The following PLA2G4B variants were observed in gnomAD, a reference collection of about 807,000 sequenced individuals.
PLA2G4B encodes the protein phospholipase A2 group IVB, also known as cytosolic phospholipase A2 beta.
PLA2G4B carries 122 observed loss-of-function variants against 95.8 expected under a neutral mutation model. The observed-to-expected ratio is 1.27, with a 90% CI of 1.10 to 1.48. The LOEUF (loss-of-function observed/expected upper bound fraction) is 1.48. PLA2G4B is among the 40% of genes most tolerant of loss of function. PLA2G4B has a pLI of 0.00. For synonymous variants in PLA2G4B, 518 were observed against 421.5 expected, an observed-to-expected ratio of 1.23 and a Z score of -2.80; for missense variants, 1,158 against 996.2, an observed-to-expected ratio of 1.16 and a Z score of -2.19.
At position 41,845,001 on chromosome 15, in the gene PLA2G4B, C is replaced by A; in HGVS notation, c.1170C>A (p.Ala390=). The change falls in exon 13 of 20, where the codon GCC becomes GCA. Residue 390 remains alanine, a synonymous_variant. Coordinates refer to ENST00000458483, the MANE Select transcript of PLA2G4B (RefSeq NM_001114633.2). The part of the protein sequence containing the change: ...QRYRQELAER[A]RLGYPSCFTN... Reference sequence around the variant, plus strand: ...ACCGGCAGGAGCTGGCCGAGCGTGCCCGCTTGGGCTACCCAAGCTGCTTCA... The same window carrying A: ...ACCGGCAGGAGCTGGCCGAGCGTGCACGCTTGGGCTACCCAAGCTGCTTCA... 1 of 1,607,086 alleles carries A rather than the reference C, an allele frequency of 6.2e-7. No homozygotes were observed. Among genetic ancestry groups the A allele is most frequent in the Non-Finnish European group, 8.5e-7 (1 of 1,177,106 alleles).
chr15:41,841,676 T>C lies in PLA2G4B; in HGVS notation c.490+105T>C, dbSNP rs879823210. The C allele has an allele frequency of 1.9e-6, 3 of 1,574,722 alleles. No homozygotes were observed. The Admixed American group carries it at 5.5e-5, about 29-fold the overall frequency. On this transcript the variant is annotated intron_variant, in intron 7 of 19. Transcript: ENST00000458483. The stretch of plus-strand genomic sequence containing the variant: ...GGGCCTGAGCTTTCCCCTTAGGCCT[T>C]CTCGGGGGACTGTGGTGGGGGATCC...
chr15:41,843,418 G>C (rs533515129), intron 10 of PLA2G4B, among the ~76,000 whole-genome samples: 1 of 152,308 alleles, frequency 6.6e-6, no homozygotes, highest in Admixed American at 6.5e-5. Context: ...CTGGGGGCCT[G>C]TCTGCACCTG....
intron 18 of PLA2G4B, among the ~76,000 whole-genome samples, chr15:41,847,135 A>C (rs950770844): frequency 1.3e-5 from 2 of 152,148 alleles, no homozygotes; most frequent in African/African-American, 4.8e-5. Flanking sequence ...TGCTGGGAGT[A>C]ACCCGGCTCC....
chr15:41,845,410 C>A (rs536637615), intron 14 of PLA2G4B, 90 bp downstream of exon 14: 2 of 1,509,764 alleles, frequency 1.3e-6, no homozygotes, highest in Admixed American at 1.8e-5. Flanking sequence ...GATGTCACAC[C>A]CACCTCTCCT....
At chr15:41,841,481 G>A (rs1464958937) in intron 6 of PLA2G4B, 36 bp from the exon 7 acceptor site, 1 of 1,613,852 alleles carries the variant, frequency 6.2e-7, no homozygotes, top group East Asian at 2.2e-5. Context: ...AATGGGGGGT[G>A]GGGTTAGTGT....
chr15:41,841,144 G>A, intron 5 of PLA2G4B, 49 bp downstream of exon 5: 3 of 1,613,474 alleles, frequency 1.9e-6, no homozygotes, highest in Non-Finnish European at 2.5e-6. Flanking sequence ...TTGTGGGAAG[G>A]ACAGCACTAG....
rs774309370 is a variant in PLA2G4B, at chr15:41,841,962, G to T, written c.621+13G>T. 6.2e-7 allele frequency: 1 copy of T among 1,605,984 alleles called. No homozygotes were observed. The highest frequency in any genetic ancestry group is 1.1e-5 in the South Asian group (1 of 90,580). On this transcript the variant is annotated intron_variant, in intron 8 of 19. Coordinates refer to ENST00000458483, the MANE Select transcript of PLA2G4B (RefSeq NM_001114633.2). ...TATTCGCCTGCAGGTAGTGTGCCTC[G>T]CTCCCTCGAGGTGGGGCCCCCAGAA...
chr15:41,846,016 G>C lies in PLA2G4B; in HGVS notation c.1569G>C (p.Trp523Cys). The change falls in exon 16 of 20, where the codon TGG becomes TGC. Residue 523 changes from tryptophan (W) to cysteine (C), a missense_variant. By Grantham distance (215) the Trp-to-Cys change is radical (BLOSUM62 -2). Coordinates refer to ENST00000458483, the MANE Select transcript of PLA2G4B (RefSeq NM_001114633.2). Reference sequence around the variant, plus strand: ...GGGCCTCAGAGCCCAGCCAGTTCTGGGACCGCTGGGTCAGGAACCAGGCCA... The same window carrying C: ...GGGCCTCAGAGCCCAGCCAGTTCTGCGACCGCTGGGTCAGGAACCAGGCCA... The part of the protein sequence containing the change: ...LYWASEPSQF[W>C]DRWVRNQANL... 6.5e-7 allele frequency: 1 copy of C among 1,537,360 alleles called. No homozygotes were observed. The highest frequency in any genetic ancestry group is 8.8e-7 in the Non-Finnish European group (1 of 1,142,376).
At chr15:41,842,047 G>A (rs2065441423) in intron 8 of PLA2G4B, 98 bp downstream of exon 8, 8 of 1,557,624 alleles carry the variant, frequency 5.1e-6, no homozygotes, top group South Asian at 1.2e-5. Flanking sequence ...GGCAGAGTGG[G>A]CACCCTGGCA....
At chr15:41,844,726 G>A (rs770232525) in intron 12 of PLA2G4B, 119 bp downstream of exon 12, 281 of 1,566,256 alleles carry the variant, frequency 1.8e-4, no homozygotes, top group Non-Finnish European at 2.3e-4. Flanking sequence ...AGGGAGAAAC[G>A]TGCTCAAGGG....
At chr15:41,842,345 G>A (rs1179133412) in intron 9 of PLA2G4B, 69 bp downstream of exon 9, 12 of 1,596,664 alleles carry the variant, frequency 7.5e-6, no homozygotes, top group South Asian at 3.3e-5. Context: ...AAAGGGAGGG[G>A]CCTGCTTCCC....
At position 41,848,017 on chromosome 15, in the gene PLA2G4B, T is replaced by G. The variant is rs926820328; in HGVS notation, c.*157T>G. 7 of 1,038,926 alleles carry G rather than the reference T, an allele frequency of 6.7e-6. No homozygotes were observed. Among genetic ancestry groups the G allele is most frequent in the Non-Finnish European group, 8.2e-6 (6 of 733,830 alleles). 64.4% of individuals were successfully genotyped at this position (1,038,926 alleles called of 1,614,324 possible). A position where few individuals can be genotyped will look rare whatever the true frequency, so the allele number is the denominator to read the frequency against. On this transcript the variant is annotated 3_prime_UTR_variant, in exon 20 of 20. Transcript: ENST00000458483. Reference sequence around the variant, plus strand: ...TGGGAGCTCCCTTGCGCCTCAGCAGTTTGCAGTGGGGTAAGGAGGCCAAGC... The same window carrying G: ...TGGGAGCTCCCTTGCGCCTCAGCAGGTTGCAGTGGGGTAAGGAGGCCAAGC...
At position 41,840,764 on chromosome 15, in the gene PLA2G4B, T is replaced by C. The variant is rs199657193; in HGVS notation, c.220-10T>C. ...CCCTCCTGCAGCCCTGTCACTCTTT[T>C]CCCCTCCAGAATGTCATGGAACTGA... is the stretch of plus-strand genomic sequence containing the variant. On this transcript the variant is annotated splice_polypyrimidine_tract_variant and intron_variant, in intron 3 of 19. Transcript: ENST00000458483. 5.0e-5 allele frequency: 81 copies of C among 1,613,006 alleles called. No individual in the cohort carries two copies. The African/African-American group carries it at 9.7e-4, about 19-fold the overall frequency.
chr15:41,847,725 G>A lies in PLA2G4B; in HGVS notation c.2211G>A (p.Thr737=), dbSNP rs1391153519. The A allele has an allele frequency of 3.0e-5, 48 of 1,612,296 alleles. No individual in the cohort carries two copies. Among genetic ancestry groups the A allele is most frequent in the Non-Finnish European group, 3.9e-5 (46 of 1,180,040 alleles). Residue 737 remains threonine, a synonymous_variant, in exon 20 of 20, where the codon ACG becomes ACA. Transcript: ENST00000458483. The part of the protein sequence containing the change: ...LSSSDSPYHY[T]KVTYSQEDVD... ...CATCGGACTCTCCCTACCACTACAC[G>A]AAGGTGACCTACAGCCAGGAGGACG... is the stretch of plus-strand genomic sequence containing the variant.
Position 41,845,085 on chromosome 15 carries a change from G to A in PLA2G4B, c.1239+15G>A, listed in dbSNP as rs910395475. Reference sequence around the variant, plus strand: ...TGCATGATGAGGTGCGGGGGCTGCGGCCTGGGGGCAGAGCCAGGGCAAGGG... The same window carrying A: ...TGCATGATGAGGTGCGGGGGCTGCGACCTGGGGGCAGAGCCAGGGCAAGGG... On this transcript the variant is annotated intron_variant, in intron 13 of 19. Transcript: ENST00000458483. 33 of 1,594,536 alleles carry A rather than the reference G, an allele frequency of 2.1e-5. No homozygotes were observed. Among genetic ancestry groups the A allele is most frequent in the Non-Finnish European group, 2.7e-5 (32 of 1,168,462 alleles).
intron 1 of PLA2G4B, chr15:41,839,924 T>G: frequency 1.9e-6 from 1 of 533,702 alleles, no homozygotes; most frequent in Non-Finnish European, 3.3e-6. Flanking sequence ...GATAAATGAG[T>G]TAATGTATGC....
intron 10 of PLA2G4B, chr15:41,842,904 C>A (rs148332698): frequency 6.8e-4 from 249 of 366,746 alleles, no homozygotes; most frequent in Non-Finnish European, 1.1e-3. Context: ...GCAGAGAGGG[C>A]AGGAAAACCA....
chr15:41,844,646 A>C (rs763845412), intron 12 of PLA2G4B, 39 bp downstream of exon 12: 5 of 1,612,854 alleles, frequency 3.1e-6, no homozygotes, highest in Non-Finnish European at 8.5e-7. Context: ...CCTGTGTGGC[A>C]GGGGGTGCTG....
At chr15:41,844,679 C>T (rs2065500017) in intron 12 of PLA2G4B, 72 bp downstream of exon 12, 4 of 1,607,536 alleles carry the variant, frequency 2.5e-6, no homozygotes, top group Non-Finnish European at 2.5e-6. Context: ...TCCTAGGCCT[C>T]TGAGAAAACT....
Sources: allele counts gnomAD v4.1 joint callset (sites outside exome capture counted in the v4.1 genomes callset), GRCh38; gene constraint gnomAD v4.1.1; transcripts MANE v1.5; gene names NCBI Gene and HGNC (gene_info 2026-07-23, HGNC 2026-07-21).